ZNF682: variants seen among roughly 807,000 people sequenced by gnomAD.
The protein encoded by ZNF682 is zinc finger protein 682.
A neutral mutation model predicts 36.5 loss-of-function variants in ZNF682; 29 were observed. The ratio of observed to expected loss-of-function variants is 0.80; its 90% confidence interval spans 0.59 to 1.08. The LOEUF (loss-of-function observed/expected upper bound fraction) is 1.08, where lower values mean the gene tolerates loss of function less well. ZNF682 is among the 50% of genes least tolerant of loss of function. The pLI, the probability that ZNF682 is intolerant of heterozygous loss-of-function variation, is 0.00. For synonymous variants in ZNF682, 180 were observed against 197.0 expected (o/e 0.91, Z 0.72); for missense variants, 561 against 579.7 (o/e 0.97, Z 0.33).
chr19:20,018,075 A>ATT (rs2088350671), intron 3 of ZNF682, among the ~76,000 whole-genome samples: 24 of 83,198 alleles, frequency 2.9e-4, no homozygotes, highest in East Asian at 6.3e-4. Flanking sequence ...AGATTCTCAA[A>ATT]TTCTTTTTTT....
At chr19:20,030,025 G>A (rs1209021118) in intron 1 of ZNF682, among the ~76,000 whole-genome samples, 1 of 152,036 alleles carries the variant, frequency 6.6e-6, no homozygotes, top group East Asian at 1.9e-4. Flanking sequence ...GGTAAGGCTG[G>A]GACAGGGAGA....
chr19:20,017,559 T>C (rs2088345420), intron 3 of ZNF682, among the ~76,000 whole-genome samples: 1 of 151,948 alleles, frequency 6.6e-6, no homozygotes, highest in South Asian at 2.1e-4. Flanking sequence ...CTCAAATATA[T>C]AAAACAAATA....
downstream of ZNF682, chr19:19,996,945 G>A (rs1244435045): frequency 1.2e-5 from 4 of 322,508 alleles, no homozygotes; most frequent in East Asian, 1.9e-4. Context: ...CTCCACATGG[G>A]CTATTTTTGT....
At position 20,006,876 on chromosome 19, in the gene ZNF682, G is replaced by A. The variant is rs2075090; in HGVS notation, c.626C>T (p.Thr209Ile). Residue 209 changes from threonine to isoleucine, a missense_variant, in exon 4 of 4, where the codon ACC (threonine) becomes ATC (isoleucine). Thr to Ile is a moderately conservative substitution (Grantham distance 89, BLOSUM62 -1). Transcript: ENST00000397165. Reference protein sequence around the residue: ...KLCICEECGKTFKWFSYLTKH... With the variant: ...KLCICEECGKIFKWFSYLTKH... The stretch of plus-strand genomic sequence containing the variant: ...AGTAAGGTATGAGAACCACTTAAAG[G>A]TTTTGCCACATTCCTCACATATGCA... The A allele has an allele frequency of 0.051, 82,246 of 1,613,896 alleles. 3,479 individuals are homozygous for A. Among genetic ancestry groups the A allele is most frequent in the East Asian group, 0.18 (8,047 of 44,866 alleles).
At chr19:20,027,051 AC>A (rs1323393163) in intron 1 of ZNF682, among the ~76,000 whole-genome samples, 13 of 152,004 alleles carry the variant, frequency 8.6e-5, no homozygotes, top group African/African-American at 1.5e-4. Context: ...AGAGAACATC[AC>A]CCCTGAGCTG....
At chr19:20,019,666 C>G (rs1295680862) in intron 3 of ZNF682, among the ~76,000 whole-genome samples, 1 of 152,006 alleles carries the variant, frequency 6.6e-6, no homozygotes, top group African/African-American at 2.4e-5. Flanking sequence ...GAAAAACAGA[C>G]TGAATGGATA....
At chr19:20,018,905 T>A (rs2088360952) in intron 3 of ZNF682, among the ~76,000 whole-genome samples, 5 of 152,184 alleles carry the variant, frequency 3.3e-5, no homozygotes. Flanking sequence ...GAAATGGGAC[T>A]ACATCAAACT....
intron 1 of ZNF682, among the ~76,000 whole-genome samples, chr19:20,025,240 G>C (rs6511068): frequency 0.041 from 6,216 of 152,258 alleles, 305 homozygotes; most frequent in East Asian, 0.2. Flanking sequence ...TAAAAAGAAA[G>C]GGAAGTTTGC....
At chr19:20,007,470 G>C in intron 3 of ZNF682, 195 bp from the exon 4 acceptor site, 1 of 533,684 alleles carries the variant, frequency 1.9e-6, no homozygotes, top group Non-Finnish European at 3.2e-6. Context: ...TTGAGAAAAA[G>C]CTTAATTCAG....
At chr19:20,013,232 C>A (rs1195771882) in intron 3 of ZNF682, among the ~76,000 whole-genome samples, 2 of 151,762 alleles carry the variant, frequency 1.3e-5, no homozygotes, top group African/African-American at 2.4e-5. Flanking sequence ...AAAATTCTCA[C>A]AAGAGACAAA....
chr19:20,001,259 G>A (rs534453335), downstream of ZNF682, among the ~76,000 whole-genome samples: 80 of 152,336 alleles, frequency 5.3e-4, 1 homozygote, highest in Non-Finnish European at 8.7e-4. Flanking sequence ...CCTGTGGCAT[G>A]CAGCTTCAGT....
exon 4 of ZNF682, chr19:19,997,225 G>A (rs796123927): frequency 2.5e-6 from 1 of 398,688 alleles, no homozygotes; most frequent in Non-Finnish European, 4.4e-6. Flanking sequence ...AGTTTCAAGA[G>A]GACAGGACTG....
intron 1 of ZNF682, among the ~76,000 whole-genome samples, chr19:20,029,202 C>A (rs2088458230): frequency 6.6e-6 from 1 of 151,652 alleles, no homozygotes; most frequent in Non-Finnish European, 1.5e-5. Flanking sequence ...TGGTCTCGAA[C>A]TCCTGACCTC....
At chr19:20,029,294 C>T (rs1003656216) in intron 1 of ZNF682, among the ~76,000 whole-genome samples, 14 of 146,700 alleles carry the variant, frequency 9.5e-5, no homozygotes, top group African/African-American at 3.0e-4. Flanking sequence ...CTTTTGTTTT[C>T]TTTTTTTTTT....
At chr19:20,024,062 A>T (rs560271063) in intron 2 of ZNF682, among the ~76,000 whole-genome samples, 188 bp downstream of exon 2, 8 of 152,190 alleles carry the variant, frequency 5.3e-5, no homozygotes, top group Non-Finnish European at 1.2e-4. Flanking sequence ...AAGGTAGAAG[A>T]AAGTTAATGT....
intron 3 of ZNF682, among the ~76,000 whole-genome samples, chr19:20,013,230 C>T (rs2088305875): frequency 6.6e-6 from 1 of 151,768 alleles, no homozygotes; most frequent in African/African-American, 2.4e-5. Flanking sequence ...TCAAAATTCT[C>T]ACAAGAGACA....
intron 3 of ZNF682, among the ~76,000 whole-genome samples, chr19:20,022,316 C>T (rs2088391980): frequency 6.7e-6 from 1 of 148,672 alleles, no homozygotes; most frequent in Admixed American, 6.8e-5. Context: ...ACATTTCAGA[C>T]ATAATACAAA....
At chr19:20,010,206 G>A (rs2088271202) in intron 3 of ZNF682, among the ~76,000 whole-genome samples, 1 of 152,142 alleles carries the variant, frequency 6.6e-6, no homozygotes, top group Non-Finnish European at 1.5e-5. Flanking sequence ...TATGGAAATG[G>A]AAGAATGATA....
Position 20,006,996 on chromosome 19 carries a change from G to A in ZNF682, c.506C>T (p.Thr169Ile), listed in dbSNP as rs1437077962. Residue 169 changes from threonine (T) to isoleucine (I), a missense_variant, in exon 4 of 4, where the codon ACA becomes ATA. Coordinates refer to ENST00000397165, the MANE Select transcript of ZNF682 (RefSeq NM_033196.3). ...NLNRENIRHT[T>I]EKLFKCMQCG... ...TTGCATACATTTGAAAAGTTTCTCTGTAGTATGTCTTATGTTTTCTCTATT... is the reference window on the plus strand; with the variant it reads ...TTGCATACATTTGAAAAGTTTCTCTATAGTATGTCTTATGTTTTCTCTATT... 1.2e-6 allele frequency: 2 copies of A among 1,612,870 alleles called. No individual in the cohort carries two copies. Among genetic ancestry groups the A allele is most frequent in the Admixed American group, 1.7e-5 (1 of 59,920 alleles).
Sources: gnomAD v4.1 joint callset for allele counts (sites outside exome capture counted in the v4.1 genomes callset) on GRCh38, gnomAD v4.1.1 for gene constraint, MANE v1.5 for transcripts, NCBI Gene and HGNC (gene_info 2026-07-23, HGNC 2026-07-21) for gene names.